Variants in RADX observed in about 807,000 individuals in gnomAD.
RADX encodes RPA1 related single stranded DNA binding protein, X-linked.
In RADX, 36 loss-of-function variants were observed where a neutral mutation model predicts 61.6. That is an observed-to-expected ratio of 0.58 (90% confidence interval 0.45 to 0.77). RADX has a LOEUF of 0.77. Ranked by LOEUF, RADX falls within the 30% of genes least tolerant of loss-of-function variation. RADX has a pLI of 0.00. For synonymous variants in RADX, 272 were observed against 237.9 expected (o/e 1.14, Z -1.32); for missense variants, 497 against 651.1 (o/e 0.76, Z 2.58).
At chrX:106,622,248 A>G (rs1407128390) in intron 1 of RADX, among the ~76,000 whole-genome samples, 1 of 111,226 alleles carries the variant, frequency 9.0e-6, no homozygotes, top group Non-Finnish European at 1.9e-5. Context: ...CCATTTCTAT[A>G]AATTAAATAT....
chrX:106,640,606 A>G lies in RADX; in HGVS notation c.1789A>G (p.Asn597Asp). ...AGCTAGAGTAGAAATTCAAGAAAGAAATGGTAAACGGCATCAAGATGATGA... is the reference window on the plus strand; with the variant it reads ...AGCTAGAGTAGAAATTCAAGAAAGAGATGGTAAACGGCATCAAGATGATGA... The part of the protein sequence containing the change: ...QAARVEIQER[N>D]GKRHQDDEPV... The change falls in exon 10 of 14, where the codon AAT becomes GAT. Residue 597 changes from asparagine to aspartate, a missense_variant. Around this residue, in one of 3 missense-constraint regions of RADX, gnomAD observed 267 missense variants for 306.9 expected, o/e 0.87. Coordinates refer to ENST00000372548, the MANE Select transcript of RADX (RefSeq NM_018015.6). The G allele has an allele frequency of 8.3e-7, 1 of 1,201,900 alleles. No homozygotes were observed. The highest frequency in any genetic ancestry group is 1.1e-6 in the Non-Finnish European group (1 of 888,421).
chrX:106,627,990 C>T (rs1008168459), intron 3 of RADX, among the ~76,000 whole-genome samples: 1 of 111,371 alleles, frequency 9.0e-6, no homozygotes, highest in Non-Finnish European at 1.9e-5. Flanking sequence ...CACACGCCAT[C>T]AAGCCCAGCT....
chrX:106,670,521 T>G (rs1300854772), intron 13 of RADX, among the ~76,000 whole-genome samples: 1 of 110,495 alleles, frequency 9.1e-6, no homozygotes, highest in Non-Finnish European at 1.9e-5. Flanking sequence ...CAGGTAATAT[T>G]TGAAATGTGA....
In RADX at chrX:106,678,590, G is replaced by A. The variant is rs1928567048; in HGVS notation, c.*332G>A. On this transcript the variant is annotated 3_prime_UTR_variant, in exon 14 of 14. Coordinates refer to ENST00000372548, the MANE Select transcript of RADX (RefSeq NM_018015.6). Reference sequence around the variant, plus strand: ...CTTTCATTCTAAAGCCTCAGTATAAGGCATCCTAACTTACAAGAGTAACTT... The same window carrying A: ...CTTTCATTCTAAAGCCTCAGTATAAAGCATCCTAACTTACAAGAGTAACTT... 7.9e-6 allele frequency: 1 copy of A among 125,828 alleles called. No individual in the cohort carries two copies. The highest frequency in any genetic ancestry group is 8.6e-5 in the Admixed American group (1 of 11,574). 10.4% of individuals were successfully genotyped at this position (125,828 alleles called of 1,213,427 possible). A position where few individuals can be genotyped will look rare whatever the true frequency, so the allele number is the denominator to read the frequency against.
At chrX:106,651,140 TATG>T (rs1247189492) in intron 11 of RADX, among the ~76,000 whole-genome samples, 2 of 111,138 alleles carry the variant, frequency 1.8e-5, no homozygotes, top group Non-Finnish European at 3.8e-5. Flanking sequence ...TATCTAGACA[TATG>T]ATATGTGATA....
At chrX:106,658,426 T>C (rs1047147050) in intron 11 of RADX, among the ~76,000 whole-genome samples, 5 of 111,598 alleles carry the variant, frequency 4.5e-5, no homozygotes, top group African/African-American at 1.6e-4. Flanking sequence ...GCAACCACCA[T>C]TTGAGAATAA....
chrX:106,640,616 G>A lies in RADX; in HGVS notation c.1799G>A (p.Arg600Gln). The A allele has an allele frequency of 8.4e-7, 1 of 1,197,364 alleles. No individual in the cohort carries two copies. The highest frequency in any genetic ancestry group is 1.1e-6 in the Non-Finnish European group (1 of 884,484). ...GAAATTCAAGAAAGAAATGGTAAAC[G>A]GCATCAAGATGATGAGCCTGTGAAT... ...RVEIQERNGK[R>Q]HQDDEPVNSQ... Residue 600 changes from arginine to glutamine, a missense_variant, in exon 10 of 14, where the codon CGG becomes CAG. Arg to Gln is a conservative substitution (Grantham distance 43). Coordinates refer to ENST00000372548, the MANE Select transcript of RADX (RefSeq NM_018015.6).
chrX:106,634,829 G>A (rs933540408), intron 6 of RADX, among the ~76,000 whole-genome samples: 2 of 111,901 alleles, frequency 1.8e-5, no homozygotes, highest in African/African-American at 6.5e-5. Context: ...TTGTTTGTTT[G>A]TAACCACTTT....
In RADX at chrX:106,636,628, G is replaced by A; in HGVS notation, c.1389G>A (p.Glu463=). ...TGCTTTACCTCACCACTACAAATGA[G>A]AGTGGAGTGTTTATTACTGGTGAGT... ...PKLLYLTTTN[E]SGVFITGHRG... is the part of the protein sequence containing the mutation. Residue 463 remains glutamate, a synonymous_variant, in exon 7 of 14, where the codon GAG becomes GAA. Coordinates refer to ENST00000372548, the MANE Select transcript of RADX (RefSeq NM_018015.6). 1 of 1,161,115 alleles carries A rather than the reference G, an allele frequency of 8.6e-7. No individual in the cohort carries two copies. Among genetic ancestry groups the A allele is most frequent in the Non-Finnish European group, 1.2e-6 (1 of 852,749 alleles).
intron 10 of RADX, among the ~76,000 whole-genome samples, chrX:106,642,875 G>C (rs1274439477): frequency 9.0e-6 from 1 of 111,547 alleles, no homozygotes; most frequent in African/African-American, 3.3e-5. Flanking sequence ...CACCAACAAC[G>C]TACAGAGTTC....
chrX:106,644,645 A>C (rs1176950406), intron 10 of RADX, among the ~76,000 whole-genome samples: 1 of 110,989 alleles, frequency 9.0e-6, no homozygotes, highest in Non-Finnish European at 1.9e-5. Flanking sequence ...AGATCATTCT[A>C]ATATATTGTT....
chrX:106,615,336 A>T (rs1926776551), intron 1 of RADX, among the ~76,000 whole-genome samples: 1 of 111,853 alleles, frequency 8.9e-6, no homozygotes, highest in South Asian at 3.8e-4. Context: ...AACAAGCAAC[A>T]GGCAAGATTT....
At chrX:106,628,583 A>G (rs1049749573) in intron 3 of RADX, among the ~76,000 whole-genome samples, 1 of 110,443 alleles carries the variant, frequency 9.1e-6, no homozygotes, top group African/African-American at 3.3e-5. Context: ...TACTGGGGTC[A>G]TTTATCTTGG....
Position 106,640,706 on chromosome X carries a change from G to A in RADX, c.1889G>A (p.Gly630Asp). Residue 630 changes from glycine (G) to aspartate (D), a missense_variant, in exon 10 of 14, where the codon GGC (glycine) becomes GAC (aspartate). By Grantham distance (94) the Gly-to-Asp change is moderately conservative (BLOSUM62 -1). This residue lies in a region of RADX where 267 missense variants were observed against 306.9 expected (regional missense o/e 0.87). Coordinates refer to ENST00000372548, the MANE Select transcript of RADX (RefSeq NM_018015.6). ...AGCAATAAAATAAGAATTCTTCAAG[G>A]CCCACACGCTAATCCGTAAGTCATT... Reference protein sequence around the residue: ...SLSNKIRILQGPHANPVAVPQ... With the variant: ...SLSNKIRILQDPHANPVAVPQ... 1 of 1,182,722 alleles carries A rather than the reference G, an allele frequency of 8.5e-7. No homozygotes were observed. Among genetic ancestry groups the A allele is most frequent in the South Asian group, 1.9e-5 (1 of 51,879 alleles).
intron 13 of RADX, among the ~76,000 whole-genome samples, chrX:106,675,520 A>G (rs1928483631): frequency 8.9e-6 from 1 of 112,191 alleles, no homozygotes; most frequent in Non-Finnish European, 1.9e-5. Context: ...GCTTTTAATT[A>G]TGCTGGACCA....
At chrX:106,614,146 A>G (rs1307231844) in intron 1 of RADX, among the ~76,000 whole-genome samples, 1 of 111,879 alleles carries the variant, frequency 8.9e-6, no homozygotes, top group Non-Finnish European at 1.9e-5. Flanking sequence ...CAGTTTTGCT[A>G]TATGTTTCAA....
At chrX:106,661,971 T>G (rs374860909) in intron 11 of RADX, 44 bp from the exon 12 acceptor site, 1 of 1,103,140 alleles carries the variant, frequency 9.1e-7, no homozygotes, top group Non-Finnish European at 1.2e-6. Context: ...TTGATTTGAT[T>G]AGTTTATAGA....
At chrX:106,658,754 A>G (rs182263121) in intron 11 of RADX, among the ~76,000 whole-genome samples, 5 of 111,942 alleles carry the variant, frequency 4.5e-5, no homozygotes. Flanking sequence ...TCATTTTGTG[A>G]ATACACAATT....
At chrX:106,631,370 A>G (rs1420725228) in intron 3 of RADX, among the ~76,000 whole-genome samples, 1 of 111,388 alleles carries the variant, frequency 9.0e-6, no homozygotes, top group East Asian at 2.8e-4. Context: ...AGGGAAATAC[A>G]AAATAGGATC....
Sources: gnomAD v4.1 joint callset for allele counts (sites outside exome capture counted in the v4.1 genomes callset) on GRCh38, gnomAD v4.1.1 for gene constraint, gnomAD v4.1.1 regional missense constraint, MANE v1.5 for transcripts, NCBI Gene and HGNC (gene_info 2026-07-23, HGNC 2026-07-21) for gene names.